The following METTL15 variants were observed in gnomAD, a reference collection of about 807,000 sequenced individuals.
METTL15 encodes the protein methyltransferase 15, mitochondrial 12S rRNA N4-cytidine.
A neutral mutation model predicts 38.3 loss-of-function variants in METTL15; 34 were observed. The ratio of observed to expected loss-of-function variants is 0.89; its 90% CI spans 0.68 to 1.18. METTL15 has a LOEUF of 1.18. METTL15 is among the 50% of genes most tolerant of loss of function. The pLI is 0.00. For missense variants in METTL15, 438 were observed against 498.4 expected, an observed-to-expected ratio of 0.88 and a Z score of 1.15; for synonymous variants, 162 against 170.9, an observed-to-expected ratio of 0.95 and a Z score of 0.41.
chr11:28,208,016 C>G (rs1397368469), intron 3 of METTL15, among the ~76,000 whole-genome samples: 1 of 152,008 alleles, frequency 6.6e-6, no homozygotes, highest in Non-Finnish European at 1.5e-5. Flanking sequence ...CTTTATTAGT[C>G]TTGCTAGCAG....
Position 28,296,736 on chromosome 11 carries a change from G to C in METTL15, c.600-17G>C, listed in dbSNP as rs574393471. On this transcript the variant is annotated splice_polypyrimidine_tract_variant and intron_variant, in intron 5 of 6. Coordinates refer to ENST00000407364, the MANE Select transcript of METTL15 (RefSeq NM_001113528.2). ...AGAACTGATGTCAGTGAACTAATTGGCTCTTCTTGTGCGTAGGTACCCTGA... is the reference window on the plus strand; with the variant it reads ...AGAACTGATGTCAGTGAACTAATTGCCTCTTCTTGTGCGTAGGTACCCTGA... 168 of 1,611,352 alleles carry C rather than the reference G, an allele frequency of 1.0e-4. No homozygotes were observed. The South Asian group carries it at 1.7e-3, about 16-fold the overall frequency.
intron 6 of METTL15, among the ~76,000 whole-genome samples, chr11:28,316,101 C>T (rs774283795): frequency 6.6e-6 from 1 of 152,206 alleles, no homozygotes; most frequent in Non-Finnish European, 1.5e-5. Context: ...CTCCAGACCG[C>T]AGAATGGTAG....
At chr11:28,239,423 A>T (rs1454659907) in intron 4 of METTL15, among the ~76,000 whole-genome samples, 1 of 152,136 alleles carries the variant, frequency 6.6e-6, no homozygotes, top group African/African-American at 2.4e-5. Context: ...GTGTATATGA[A>T]ATTTGACCCC....
intron 3 of METTL15, among the ~76,000 whole-genome samples, chr11:28,201,879 G>C (rs1852129761): frequency 6.6e-6 from 1 of 152,102 alleles, no homozygotes; most frequent in South Asian, 2.1e-4. Flanking sequence ...GAGACATCTT[G>C]GCATGTTTGA....
intron 5 of METTL15, among the ~76,000 whole-genome samples, chr11:28,382,528 G>T (rs752111191): frequency 1.4e-4 from 21 of 152,040 alleles, no homozygotes; most frequent in Non-Finnish European, 2.8e-4. Flanking sequence ...GAGGGGAGGG[G>T]TATTGTGAAT....
intron 5 of METTL15, among the ~76,000 whole-genome samples, chr11:28,411,443 G>T (rs1850723448): frequency 6.6e-6 from 1 of 151,952 alleles, no homozygotes; most frequent in Non-Finnish European, 1.5e-5. Flanking sequence ...AACATATGTG[G>T]ACAACTAATT....
At chr11:28,231,011 A>G (rs997913351) in intron 4 of METTL15, among the ~76,000 whole-genome samples, 5 of 151,894 alleles carry the variant, frequency 3.3e-5, no homozygotes, top group Non-Finnish European at 7.4e-5. Context: ...GGCAGGGAAA[A>G]TACCAAACAT....
chr11:28,405,626 T>C (rs1187281691), intron 5 of METTL15, among the ~76,000 whole-genome samples: 1 of 152,098 alleles, frequency 6.6e-6, no homozygotes, highest in East Asian at 1.9e-4. Flanking sequence ...TACAGTAAAA[T>C]GTAATAGCAA....
intron 4 of METTL15, among the ~76,000 whole-genome samples, chr11:28,353,757 C>G (rs1475181662): frequency 6.6e-6 from 1 of 151,108 alleles, no homozygotes. Context: ...AACCCCGTCT[C>G]TACTAAAAAT....
chr11:28,330,329 T>C, intron 6 of METTL15, 67 bp from the exon 7 acceptor site: 1 of 1,354,564 alleles, frequency 7.4e-7, no homozygotes, highest in Non-Finnish European at 9.9e-7. Context: ...CACAATTCAT[T>C]AGATTTACAG....
rs565040532 is a variant in METTL15 at position 28,333,488 on chromosome 11, A to G, written c.*2647A>G. The G allele has an allele frequency of 1.3e-5, 2 of 152,162 alleles. No homozygotes were observed. Among genetic ancestry groups the G allele is most frequent in the East Asian group, 3.8e-4 (2 of 5,196 alleles). The allele number at this position is 152,162 out of a possible 1,614,324, so 9.4% of individuals were successfully genotyped here. ...ACTATGAATGCGCATTACTTTTCTA[A>G]TAAAATGTTTCTGAATCTCTGTCTT... On this transcript the variant is annotated 3_prime_UTR_variant, in exon 7 of 7. Coordinates refer to ENST00000407364, the MANE Select transcript of METTL15 (RefSeq NM_001113528.2).
intron 3 of METTL15, among the ~76,000 whole-genome samples, chr11:28,191,951 C>T (rs780952738): frequency 1.1e-4 from 16 of 151,630 alleles, no homozygotes; most frequent in Non-Finnish European, 2.1e-4. Context: ...CTGTTCCTGA[C>T]CTCTGTTTGG....
At chr11:28,182,305 G>A (rs920775657) in intron 3 of METTL15, among the ~76,000 whole-genome samples, 2 of 152,068 alleles carry the variant, frequency 1.3e-5, no homozygotes, top group East Asian at 1.9e-4. Context: ...ATTGCTTTTG[G>A]TATTTTAGTC....
intron 3 of METTL15, among the ~76,000 whole-genome samples, chr11:28,137,870 A>G (rs1176231405): frequency 6.6e-6 from 1 of 151,962 alleles, no homozygotes; most frequent in Non-Finnish European, 1.5e-5. Context: ...TTATAAAACC[A>G]TCACACACAT....
At chr11:28,311,125 C>T (rs917305439) in intron 6 of METTL15, among the ~76,000 whole-genome samples, 7 of 152,016 alleles carry the variant, frequency 4.6e-5, no homozygotes, top group South Asian at 2.1e-4. Context: ...GGCAATGTGG[C>T]ATGGCAGGCT....
At chr11:28,233,589 A>G (rs1853787920) in intron 4 of METTL15, among the ~76,000 whole-genome samples, 1 of 151,940 alleles carries the variant, frequency 6.6e-6, no homozygotes, top group Non-Finnish European at 1.5e-5. Context: ...CCTTATGGTG[A>G]GTGAGGTATA....
In METTL15 at chr11:28,524,004, G is replaced by A. The variant is rs527281581; in HGVS notation, c.*425-2474G>A. On this transcript the variant is annotated intron_variant and NMD_transcript_variant, in intron 6 of 7. Coordinates refer to the METTL15 transcript ENST00000532947. The stretch of plus-strand genomic sequence containing the variant: ...TGCACAGGATAGATCCCTAAAATGC[G>A]TAATTATCTGATCTAACGTGTCAAT... Among the ~76,000 whole-genome samples, 18 of 152,300 alleles carry A rather than the reference G, an allele frequency of 1.2e-4. No homozygotes were observed. The East Asian group carries it at 1.4e-3, about 11-fold the overall frequency.
At chr11:28,453,459 C>T (rs148112376) in intron 6 of METTL15, among the ~76,000 whole-genome samples, 52 of 152,324 alleles carry the variant, frequency 3.4e-4, no homozygotes, top group African/African-American at 1.3e-3. Context: ...CTGCCAGACA[C>T]TTGAGTTAGA....
At chr11:28,425,237 A>G (rs1165622600) in intron 6 of METTL15, among the ~76,000 whole-genome samples, 1 of 152,184 alleles carries the variant, frequency 6.6e-6, no homozygotes, top group Non-Finnish European at 1.5e-5. Flanking sequence ...CCATCCATCT[A>G]TTCATTCTTT....
Sources: allele counts gnomAD v4.1 joint callset (sites outside exome capture counted in the v4.1 genomes callset), GRCh38; gene constraint gnomAD v4.1.1; transcripts MANE v1.5; gene names NCBI Gene and HGNC (gene_info 2026-07-23, HGNC 2026-07-21).